Variants in GPLD1 observed in about 807,000 individuals in gnomAD.
GPLD1 encodes the protein phosphatidylinositol-glycan-specific phospholipase D.
In GPLD1, 84 loss-of-function variants were observed where a neutral mutation model predicts 112.6. That is an observed-to-expected ratio of 0.75 (90% CI 0.63 to 0.89). The LOEUF (loss-of-function observed/expected upper bound fraction) is 0.89. GPLD1 is among the 40% of genes least tolerant of loss of function. The pLI is 0.00. For missense variants in GPLD1, 1,044 were observed against 1,051.5 expected, an observed-to-expected ratio of 0.99 and a Z score of 0.10; for synonymous variants, 386 against 403.8, an observed-to-expected ratio of 0.96 and a Z score of 0.53.
chr6:24,475,705 A>G, intron 4 of GPLD1, among the ~76,000 whole-genome samples: 1 of 150,876 alleles, frequency 6.6e-6, no homozygotes, highest in East Asian at 1.9e-4. Context: ...AAAAAAAAAA[A>G]AAATTAGCCG....
At position 24,437,127 on chromosome 6, in the gene GPLD1, T is replaced by C. The variant is rs1762603654; in HGVS notation, c.2183A>G (p.Asp728Gly). 8.7e-6 allele frequency: 14 copies of C among 1,614,146 alleles called. No homozygotes were observed. In the African/African-American group the frequency reaches 1.2e-4, roughly 14 times the overall value. Reference sequence around the variant, plus strand: ...TCCTTTCTTACCTAAGCCATCATCATCCAGGTCACTCAAGTGCAGAACGCC... The same window carrying C: ...TCCTTTCTTACCTAAGCCATCATCACCCAGGTCACTCAAGTGCAGAACGCC... ...FGGVLHLSDLDDDGLDEIIMA... is the reference protein window; with the variant it reads ...FGGVLHLSDLGDDGLDEIIMA... Residue 728 changes from aspartate to glycine, a missense_variant, in exon 21 of 25, where the codon GAT becomes GGT. Transcript: ENST00000230036.
At chr6:24,492,457 G>T (rs1325038550), upstream of GPLD1, among the ~76,000 whole-genome samples, 1 of 140,062 alleles carries the variant, frequency 7.1e-6, no homozygotes, top group East Asian at 2.2e-4. Context: ...AATGAGCTGA[G>T]ATCGTGCCAT....
chr6:24,488,875 G>GC (rs1399669646), intron 1 of GPLD1, among the ~76,000 whole-genome samples: 2 of 151,994 alleles, frequency 1.3e-5, no homozygotes, highest in African/African-American at 4.8e-5. Flanking sequence ...TCCAACTCCT[G>GC]CCATCTTCCT....
rs755215790 is a variant in GPLD1, at chr6:24,425,859, G to A, written c.*3173C>T. 2.0e-5 allele frequency: 3 copies of A among 152,154 alleles called. No individual in the cohort carries two copies. Among genetic ancestry groups the A allele is most frequent in the Non-Finnish European group, 4.4e-5 (3 of 68,030 alleles). The allele number at this position is 152,154 out of a possible 1,614,324, so 9.4% of individuals were successfully genotyped here. A position where few individuals can be genotyped will look rare whatever the true frequency, so the allele number is the denominator to read the frequency against. ...TTATATTAAAAAGCTATTTATTTTG[G>A]TGAGTTATTCCAAGAGTTGTATACA... On this transcript the variant is annotated 3_prime_UTR_variant, in exon 25 of 25. Transcript: ENST00000230036.
chr6:24,485,160 T>C (rs1033637021), intron 2 of GPLD1, among the ~76,000 whole-genome samples: 4 of 152,230 alleles, frequency 2.6e-5, no homozygotes, highest in African/African-American at 9.6e-5. Flanking sequence ...CTTCTCCTCC[T>C]GGTGATGCAA....
chr6:24,437,803 G>A (rs150417568), intron 20 of GPLD1, among the ~76,000 whole-genome samples: 1,543 of 152,260 alleles, frequency 0.01, 13 homozygotes, highest in African/African-American at 0.027. Context: ...TATGCTCCGC[G>A]TGCTCCCCTG....
intron 14 of GPLD1, 70 bp downstream of exon 14, chr6:24,453,945 G>A: frequency 1.0e-6 from 1 of 962,870 alleles, no homozygotes; most frequent in Non-Finnish European, 1.6e-6. Context: ...TACTCATCCT[G>A]GAGAATCTGC....
At chr6:24,452,850 GGTAA>G (rs534152306) in intron 14 of GPLD1, among the ~76,000 whole-genome samples, 125 of 151,930 alleles carry the variant, frequency 8.2e-4, no homozygotes, top group Middle Eastern at 3.4e-3. Flanking sequence ...ACAGCGAAAG[GGTAA>G]GTGCCTTGCC....
intron 6 of GPLD1, chr6:24,472,974 C>A: frequency 5.2e-6 from 1 of 192,654 alleles, no homozygotes; most frequent in South Asian, 9.0e-5. Context: ...TGGGGTTTCA[C>A]CATGTTGGCC....
Position 24,426,106 on chromosome 6 carries a change from C to A in GPLD1, c.*2926G>T, listed in dbSNP as rs1762228285. 6.6e-6 allele frequency: 1 copy of A among 152,122 alleles called. No individual in the cohort carries two copies. 9.4% of individuals were successfully genotyped at this position (152,122 alleles called of 1,614,324 possible). ...CTTGAAGCCTTGAGAAAAGCTGTTA[C>A]ATATACGCAGATAGTAGCAAGACAG... On this transcript the variant is annotated 3_prime_UTR_variant, in exon 25 of 25. Transcript: ENST00000230036.
At chr6:24,436,839 T>C (rs1307499162) in intron 21 of GPLD1, 103 bp from the exon 22 acceptor site, 1 of 1,127,352 alleles carries the variant, frequency 8.9e-7, no homozygotes, top group African/African-American at 1.6e-5. Flanking sequence ...CAAATAATAT[T>C]AGTATCTCCT....
chr6:24,490,080 A>C (rs971382910), upstream of GPLD1, among the ~76,000 whole-genome samples: 3 of 152,152 alleles, frequency 2.0e-5, no homozygotes, highest in Non-Finnish European at 4.4e-5. Context: ...AGATACTGAC[A>C]CTTGTATGGG....
At chr6:24,437,380 C>T in intron 20 of GPLD1, 91 bp from the exon 21 acceptor site, 3 of 1,233,334 alleles carry the variant, frequency 2.4e-6, no homozygotes, top group Non-Finnish European at 2.3e-6. Context: ...ACACTGATCA[C>T]TCGGGATCCT....
intron 11 of GPLD1, among the ~76,000 whole-genome samples, chr6:24,461,816 G>A (rs1048089702): frequency 6.6e-6 from 1 of 152,136 alleles, no homozygotes; most frequent in East Asian, 1.9e-4. Flanking sequence ...GATATCTCTA[G>A]TGCCTGAACC....
At chr6:24,494,751 G>C in intron 1 of GPLD1, 1 of 368,404 alleles carries the variant, frequency 2.7e-6, no homozygotes, top group Non-Finnish European at 4.7e-6. Context: ...CCTCCCCCGG[G>C]AGAAGGTCGC....
intron 3 of GPLD1, among the ~76,000 whole-genome samples, chr6:24,476,514 C>T (rs1175923122): frequency 3.3e-5 from 5 of 152,144 alleles, no homozygotes; most frequent in Non-Finnish European, 5.9e-5. Context: ...GTAAGAGGGA[C>T]GGAGCCTAAA....
chr6:24,454,842 T>C (rs1002027017), intron 13 of GPLD1, among the ~76,000 whole-genome samples: 14 of 152,216 alleles, frequency 9.2e-5, no homozygotes, highest in African/African-American at 3.1e-4. Flanking sequence ...AAAGAACAAA[T>C]GGCAGGCCGA....
Position 24,466,951 on chromosome 6 carries a change from A to C in GPLD1, c.654-12T>G. 6.2e-7 allele frequency: 1 copy of C among 1,608,142 alleles called. No homozygotes were observed. Among genetic ancestry groups the C allele is most frequent in the Non-Finnish European group, 8.5e-7 (1 of 1,174,610 alleles). On this transcript the variant is annotated splice_polypyrimidine_tract_variant and intron_variant, in intron 8 of 24. Transcript: ENST00000230036. ...GCATCTCACCATACCTGCAAAATAA[A>C]CAATAATTTTGGCTGTGAGTTGCAG...
chr6:24,491,719 G>GT (rs1349383189), upstream of GPLD1, among the ~76,000 whole-genome samples: 2 of 151,834 alleles, frequency 1.3e-5, no homozygotes, highest in African/African-American at 4.8e-5. Flanking sequence ...AAAGGAATGG[G>GT]TTCAGTTACC....
Sources: gnomAD v4.1 joint callset for allele counts (sites outside exome capture counted in the v4.1 genomes callset) on GRCh38, gnomAD v4.1.1 for gene constraint, MANE v1.5 for transcripts, NCBI Gene and HGNC (gene_info 2026-07-23, HGNC 2026-07-21) for gene names.